The following ERC2 variants were observed in gnomAD, a reference collection of about 807,000 sequenced individuals.
The protein encoded by ERC2 is ERC protein 2.
In ERC2, 42 loss-of-function variants were observed where a neutral mutation model predicts 114.8. The observed-to-expected ratio is 0.37, with a 90% CI of 0.29 to 0.47. The LOEUF is 0.47. Among genes scored for constraint, ERC2 ranks in the 20% least tolerant of loss-of-function variants. ERC2 has a pLI of 0.99. For missense variants in ERC2, 939 were observed against 1,150.7 expected, an observed-to-expected ratio of 0.82 and a Z score of 2.66; for synonymous variants, 454 against 425.5, an observed-to-expected ratio of 1.07 and a Z score of -0.82.
At chr3:55,857,799 C>G (rs558571940) in intron 14 of ERC2, among the ~76,000 whole-genome samples, 9 of 152,142 alleles carry the variant, frequency 5.9e-5, no homozygotes, top group Admixed American at 1.3e-4. Context: ...CTTCCCTCAT[C>G]ATGAAACACT....
At position 56,328,964 on chromosome 3, in the gene ERC2, T is replaced by A. The variant is rs557697262; in HGVS notation, c.658-32529A>T. 4.6e-5 allele frequency among the ~76,000 whole-genome samples: 7 copies of A among 152,348 alleles called. No homozygotes were observed. In the South Asian group the frequency reaches 6.2e-4, roughly 14 times the overall value. On this transcript the variant is annotated intron_variant, in intron 2 of 17. Transcript: ENST00000288221. ...AGGATGCAGCCACAGTCACTGGCAT[T>A]CTGAAAGTAACTCAAGTAAAAGTAG...
chr3:56,165,414 C>T (rs941130506), intron 4 of ERC2, among the ~76,000 whole-genome samples: 1 of 151,562 alleles, frequency 6.6e-6, no homozygotes. Context: ...TGGTGTGCTG[C>T]ACCTATTAAC....
intron 17 of ERC2, among the ~76,000 whole-genome samples, chr3:55,614,926 T>C (rs1232706278): frequency 6.6e-6 from 1 of 152,258 alleles, no homozygotes; most frequent in Non-Finnish European, 1.5e-5. Context: ...CAGGTTTTAT[T>C]CACTCATTTT....
chr3:55,888,933 G>C (rs914677003), intron 13 of ERC2, among the ~76,000 whole-genome samples: 2 of 152,074 alleles, frequency 1.3e-5, no homozygotes, highest in Admixed American at 6.6e-5. Context: ...AAACAAAACA[G>C]AACAAAAACC....
rs564505475 is a variant in ERC2, at chr3:55,586,132, G to A, written c.*40-74856C>T. ...TTGGAGGCACACTGGTGCACCTGAGGTGACTGGCGGGGTGGGGAGGGAGTG... is the reference window on the plus strand; with the variant it reads ...TTGGAGGCACACTGGTGCACCTGAGATGACTGGCGGGGTGGGGAGGGAGTG... On this transcript the variant is annotated intron_variant, in intron 17 of 17. Coordinates refer to ENST00000288221, the MANE Select transcript of ERC2 (RefSeq NM_015576.3). 2.5e-4 allele frequency among the ~76,000 whole-genome samples: 38 copies of A among 152,234 alleles called. No homozygotes were observed. In the South Asian group the frequency reaches 7.9e-3, roughly 32 times the overall value.
At chr3:56,412,436 C>T (rs1243292354) in intron 2 of ERC2, among the ~76,000 whole-genome samples, 1 of 152,222 alleles carries the variant, frequency 6.6e-6, no homozygotes, top group Non-Finnish European at 1.5e-5. Flanking sequence ...TCCACATCCC[C>T]ACTCTACAGA....
chr3:55,994,517 G>T (rs2071337805), intron 10 of ERC2, among the ~76,000 whole-genome samples: 1 of 151,708 alleles, frequency 6.6e-6, no homozygotes, highest in Non-Finnish European at 1.5e-5. Flanking sequence ...CAAACACGGG[G>T]GGAGATATTA....
intron 13 of ERC2, among the ~76,000 whole-genome samples, chr3:55,905,983 C>T (rs2064410868): frequency 6.6e-6 from 1 of 152,146 alleles, no homozygotes; most frequent in South Asian, 2.1e-4. Context: ...TTTTAAATGA[C>T]TTTACTTAAG....
intron 6 of ERC2, among the ~76,000 whole-genome samples, chr3:56,126,033 C>T (rs998039964): frequency 4.6e-5 from 7 of 152,278 alleles, no homozygotes; most frequent in South Asian, 2.1e-4. Flanking sequence ...CAACAAGTAT[C>T]CACTTAGGGC....
intron 14 of ERC2, among the ~76,000 whole-genome samples, chr3:55,779,492 C>T (rs1283487962): frequency 2.0e-5 from 3 of 151,160 alleles, no homozygotes; most frequent in African/African-American, 7.3e-5. Flanking sequence ...CAGAGTGAGA[C>T]TCTGTCTCAA....
chr3:55,964,098 A>G (rs2068578692), intron 12 of ERC2, among the ~76,000 whole-genome samples: 1 of 152,236 alleles, frequency 6.6e-6, no homozygotes, highest in African/African-American at 2.4e-5. Flanking sequence ...AACATTGTTA[A>G]GTAATAAAAG....
chr3:56,443,958 A>AT (rs11343406), intron 1 of ERC2, among the ~76,000 whole-genome samples: 6 of 80,236 alleles, frequency 7.5e-5, no homozygotes, highest in Admixed American at 3.8e-4. Context: ...AATACCTACA[A>AT]TTTTTTTTTT....
intron 17 of ERC2, among the ~76,000 whole-genome samples, chr3:55,625,706 G>A (rs9311571): frequency 0.36 from 54,361 of 151,272 alleles, 10,516 homozygotes; most frequent in East Asian, 0.61. Flanking sequence ...AGCCGAGATC[G>A]CGCCACTGCA....
intron 17 of ERC2, among the ~76,000 whole-genome samples, chr3:55,596,754 A>G (rs1392540716): frequency 6.6e-6 from 1 of 152,210 alleles, no homozygotes; most frequent in Non-Finnish European, 1.5e-5. Context: ...AAGATTATTA[A>G]TGAAAGATAA....
At chr3:56,361,683 G>A (rs574745071) in intron 2 of ERC2, among the ~76,000 whole-genome samples, 14 of 152,306 alleles carry the variant, frequency 9.2e-5, no homozygotes, top group Non-Finnish European at 1.9e-4. Context: ...ACATCAGAAG[G>A]GCCATCAGGC....
chr3:55,702,771 G>A (rs763181102), intron 15 of ERC2, among the ~76,000 whole-genome samples: 7 of 152,154 alleles, frequency 4.6e-5, no homozygotes, highest in African/African-American at 7.2e-5. Flanking sequence ...CAGCCCTGTA[G>A]CCTCAGATGC....
intron 2 of ERC2, among the ~76,000 whole-genome samples, chr3:56,346,487 AG>A (rs374675187): frequency 1.3e-5 from 2 of 152,312 alleles, no homozygotes; most frequent in East Asian, 3.9e-4. Flanking sequence ...AAAGAAAAAA[AG>A]TTTATGTGGC....
intron 12 of ERC2, among the ~76,000 whole-genome samples, chr3:55,964,951 A>G (rs370618220): frequency 1.3e-5 from 2 of 152,236 alleles, no homozygotes; most frequent in East Asian, 3.8e-4. Context: ...GCAGTTCATA[A>G]CATGCCTGTT....
At chr3:56,389,834 A>G (rs182149391) in intron 2 of ERC2, among the ~76,000 whole-genome samples, 4 of 152,330 alleles carry the variant, frequency 2.6e-5, no homozygotes, top group East Asian at 3.9e-4. Context: ...AGAACCCGGC[A>G]GGAATCTGCC....
Sources: allele counts gnomAD v4.1 joint callset (sites outside exome capture counted in the v4.1 genomes callset), GRCh38; gene constraint gnomAD v4.1.1; transcripts MANE v1.5; gene names NCBI Gene and HGNC (gene_info 2026-07-23, HGNC 2026-07-21).